Variants in STAU2 observed in about 807,000 individuals in gnomAD.
STAU2 encodes double-stranded RNA-binding protein Staufen homolog 2.
In STAU2, 20 loss-of-function variants were observed where a neutral mutation model predicts 65.9. The ratio of observed to expected loss-of-function variants is 0.30; its 90% CI spans 0.21 to 0.44. The LOEUF (loss-of-function observed/expected upper bound fraction) is 0.44. STAU2 is among the 20% of genes least tolerant of loss of function. STAU2 has a pLI of 1.00. For missense variants in STAU2, 558 were observed against 683.9 expected (o/e 0.82, Z 2.05); for synonymous variants, 232 against 233.9 (o/e 0.99, Z 0.07).
At chr8:73,542,469 G>C (rs1023412338) in intron 13 of STAU2, among the ~76,000 whole-genome samples, 1 of 152,036 alleles carries the variant, frequency 6.6e-6, no homozygotes, top group African/African-American at 2.4e-5. Flanking sequence ...AAACCTTAAG[G>C]GGGAAAACTG....
intron 6 of STAU2, among the ~76,000 whole-genome samples, chr8:73,666,705 G>A (rs1395638537): frequency 1.3e-5 from 2 of 152,164 alleles, no homozygotes; most frequent in South Asian, 2.1e-4. Flanking sequence ...GAGAATGTAG[G>A]CCATAAACTT....
intron 1 of STAU2, among the ~76,000 whole-genome samples, chr8:73,741,001 T>A (rs1446081495): frequency 6.4e-5 from 8 of 124,764 alleles, no homozygotes; most frequent in Non-Finnish European, 1.1e-4. Flanking sequence ...CAAGACTTCA[T>A]CTCAGAAAAA....
At chr8:73,471,314 A>G (rs930128146) in intron 13 of STAU2, among the ~76,000 whole-genome samples, 1 of 151,692 alleles carries the variant, frequency 6.6e-6, no homozygotes, top group Non-Finnish European at 1.5e-5. Context: ...CCAGGACTAC[A>G]GGCACACACT....
At chr8:73,522,915 G>A (rs1056823896) in intron 13 of STAU2, among the ~76,000 whole-genome samples, 2 of 151,974 alleles carry the variant, frequency 1.3e-5, no homozygotes, top group Non-Finnish European at 2.9e-5. Flanking sequence ...TAAGAAGTCT[G>A]GGCCAGGTGC....
rs1816349657 is a variant in STAU2 at position 73,421,201 on chromosome 8, C to T, written c.*171G>A. 2 of 566,346 alleles carry T rather than the reference C, an allele frequency of 3.5e-6. No homozygotes were observed. Among genetic ancestry groups the T allele is most frequent in the Non-Finnish European group, 6.0e-6 (2 of 333,788 alleles). 35.1% of individuals were successfully genotyped at this position (566,346 alleles called of 1,614,324 possible). On this transcript the variant is annotated 3_prime_UTR_variant, in exon 15 of 15. Coordinates refer to ENST00000524300, the MANE Select transcript of STAU2 (RefSeq NM_001164380.2). Reference sequence around the variant, plus strand: ...GGGAAATGCTCAAAGTTTTATTTTTCCCCAGTTGAATAAACAGTACCATGT... The same window carrying T: ...GGGAAATGCTCAAAGTTTTATTTTTTCCCAGTTGAATAAACAGTACCATGT...
chr8:73,518,611 T>C (rs1486187197), intron 13 of STAU2, among the ~76,000 whole-genome samples: 2 of 152,226 alleles, frequency 1.3e-5, no homozygotes. Flanking sequence ...GTGATATTTT[T>C]CAGCCATTTC....
At chr8:73,449,703 T>C (rs2128894511) in intron 13 of STAU2, among the ~76,000 whole-genome samples, 1 of 152,292 alleles carries the variant, frequency 6.6e-6, no homozygotes, top group South Asian at 2.1e-4. Flanking sequence ...GCAGGACAGA[T>C]TAAGCTCCCT....
intron 1 of STAU2, among the ~76,000 whole-genome samples, chr8:73,743,175 T>A (rs1807001730): frequency 6.6e-6 from 1 of 151,904 alleles, no homozygotes; most frequent in Non-Finnish European, 1.5e-5. Context: ...ACAGAAGTCT[T>A]ACGCCACAAA....
chr8:73,699,557 T>C (rs562946692), intron 4 of STAU2, among the ~76,000 whole-genome samples: 1 of 151,982 alleles, frequency 6.6e-6, no homozygotes, highest in African/African-American at 2.4e-5. Context: ...GCCAAAAAAT[T>C]GAAAAATCTT....
intron 6 of STAU2, among the ~76,000 whole-genome samples, chr8:73,644,911 CTATA>C (rs1196074880): frequency 6.6e-6 from 1 of 152,138 alleles, no homozygotes; most frequent in Non-Finnish European, 1.5e-5. Flanking sequence ...TTGAAAAGCC[CTATA>C]AGTATTCAAT....
chr8:73,680,265 G>C (rs988746292), intron 5 of STAU2, among the ~76,000 whole-genome samples: 4 of 151,956 alleles, frequency 2.6e-5, no homozygotes, highest in African/African-American at 4.8e-5. Context: ...TGCTTTCTTA[G>C]CAGGAAGACT....
chr8:73,485,490 T>G (rs970824592), intron 13 of STAU2, among the ~76,000 whole-genome samples: 1 of 151,760 alleles, frequency 6.6e-6, no homozygotes, highest in Admixed American at 6.6e-5. Context: ...AAGGGAGAGA[T>G]CCGAACCTGC....
chr8:73,675,669 T>C (rs1817988026), intron 5 of STAU2: 1 of 152,138 alleles, frequency 6.6e-6, no homozygotes, highest in South Asian at 2.1e-4. Flanking sequence ...AAAAACTCTG[T>C]GGTCCCATAC....
chr8:73,523,270 A>G (rs1162208755), intron 13 of STAU2, among the ~76,000 whole-genome samples: 5 of 151,842 alleles, frequency 3.3e-5, no homozygotes, highest in African/African-American at 1.2e-4. Flanking sequence ...GAGAAGCTCT[A>G]AACCAGGCTA....
intron 6 of STAU2, among the ~76,000 whole-genome samples, chr8:73,647,854 T>C (rs1283216028): frequency 6.6e-6 from 1 of 152,166 alleles, no homozygotes; most frequent in African/African-American, 2.4e-5. Flanking sequence ...AGAGCTAAGA[T>C]TATAGGCATG....
chr8:73,470,140 C>T (rs562858307), intron 13 of STAU2, among the ~76,000 whole-genome samples: 152 of 152,250 alleles, frequency 1.0e-3, no homozygotes, highest in Non-Finnish European at 1.8e-3. Context: ...AGTGAATTCG[C>T]ATTTGTTTTT....
intron 1 of STAU2, among the ~76,000 whole-genome samples, chr8:73,746,151 C>G (rs1807257997): frequency 6.6e-6 from 1 of 152,092 alleles, no homozygotes; most frequent in African/African-American, 2.4e-5. Flanking sequence ...GTCCCCTCGG[C>G]CCCACCTACC....
intron 13 of STAU2, among the ~76,000 whole-genome samples, chr8:73,450,168 A>G (rs1482137369): frequency 6.6e-6 from 1 of 152,214 alleles, no homozygotes; most frequent in Non-Finnish European, 1.5e-5. Context: ...TTCTTTAGGC[A>G]CAATATTAGA....
At chr8:73,425,280 C>T (rs550343028) in intron 13 of STAU2, among the ~76,000 whole-genome samples, 1 of 152,256 alleles carries the variant, frequency 6.6e-6, no homozygotes, top group East Asian at 1.9e-4. Flanking sequence ...TCCAATATAA[C>T]TGGTATCCTT....
Sources: gnomAD v4.1 joint callset for allele counts (sites outside exome capture counted in the v4.1 genomes callset) on GRCh38, gnomAD v4.1.1 for gene constraint, MANE v1.5 for transcripts, NCBI Gene and HGNC (gene_info 2026-07-23, HGNC 2026-07-21) for gene names.